SYNPO2: variants seen among roughly 807,000 people sequenced by gnomAD.
The protein encoded by SYNPO2 is synaptopodin 2.
In SYNPO2, 56 loss-of-function variants were observed where a neutral mutation model predicts 85.0. That is an observed-to-expected ratio of 0.66 (90% CI 0.53 to 0.82). The LOEUF is 0.82. Ranked by LOEUF, SYNPO2 falls within the 40% of genes least tolerant of loss-of-function variation. The pLI is 0.00. For missense variants in SYNPO2, 1,575 were observed against 1,534.2 expected (o/e 1.03, Z -0.44); for synonymous variants, 602 against 591.1 (o/e 1.02, Z -0.27).
At chr4:118,990,342 AAGG>A (rs1736369744) in intron 1 of SYNPO2, among the ~76,000 whole-genome samples, 1 of 152,204 alleles carries the variant, frequency 6.6e-6, no homozygotes, top group Non-Finnish European at 1.5e-5. Context: ...TGCCTGAGAA[AAGG>A]AGGAGAGACT....
chr4:118,871,571 A>T (rs1447597349), intron 1 of SYNPO2, among the ~76,000 whole-genome samples: 8 of 142,456 alleles, frequency 5.6e-5, no homozygotes, highest in East Asian at 4.1e-4. Context: ...ATAAATAACA[A>T]TTTTTTTTTT....
In SYNPO2 at chr4:119,057,880, A is replaced by G. The variant is rs573086225; in HGVS notation, c.3732A>G (p.Pro1244=). The G allele has an allele frequency of 2.5e-6, 4 of 1,614,144 alleles. No homozygotes were observed. Among genetic ancestry groups the G allele is most frequent in the South Asian group, 2.2e-5 (2 of 91,076 alleles). Residue 1244 remains proline, a synonymous_variant, in exon 5 of 5, where the codon CCA becomes CCG. Transcript: ENST00000307142. The part of the protein sequence containing the change: ...SMETRSDYCL[P]VADYNYNPHP... ...AAACCAGGTCTGATTACTGTCTTCC[A>G]GTAGCTGATTACAACTACAACCCAC...
At chr4:118,971,822 A>G (rs1300320620) in intron 1 of SYNPO2, among the ~76,000 whole-genome samples, 3 of 151,752 alleles carry the variant, frequency 2.0e-5, no homozygotes. Context: ...TACTCTTCCC[A>G]TGCCGAGAAG....
At chr4:118,942,504 A>G (rs1734349608) in intron 1 of SYNPO2, among the ~76,000 whole-genome samples, 1 of 152,258 alleles carries the variant, frequency 6.6e-6, no homozygotes, top group South Asian at 2.1e-4. Context: ...ATTTTGCTCT[A>G]TCAATTAATT....
chr4:118,934,176 T>C (rs1734024634), intron 1 of SYNPO2, among the ~76,000 whole-genome samples: 1 of 152,164 alleles, frequency 6.6e-6, no homozygotes, highest in South Asian at 2.1e-4. Context: ...ATAATTTATT[T>C]GCATGTGTGA....
At chr4:118,930,940 G>T (rs1733912648) in intron 1 of SYNPO2, among the ~76,000 whole-genome samples, 1 of 150,528 alleles carries the variant, frequency 6.6e-6, no homozygotes. Flanking sequence ...AAAAAAAATG[G>T]TAAGTATCTT....
Position 119,030,758 on chromosome 4 carries a change from C to T in SYNPO2, c.1983C>T (p.Tyr661=), listed in dbSNP as rs779088435. Residue 661 remains tyrosine, a synonymous_variant, in exon 4 of 5, where the codon TAC becomes TAT. Coordinates refer to ENST00000307142, the MANE Select transcript of SYNPO2 (RefSeq NM_133477.3). The part of the protein sequence containing the change: ...QPAPWSQPAF[Y]DSSERIASRD... The stretch of plus-strand genomic sequence containing the variant: ...CCCCGTGGTCCCAGCCAGCCTTTTA[C>T]GATTCGTCTGAGCGAATAGCTTCCC... 6.8e-6 allele frequency: 11 copies of T among 1,614,042 alleles called. No homozygotes were observed. The highest frequency in any genetic ancestry group is 5.3e-5 in the African/African-American group (4 of 74,900).
At chr4:118,897,655 G>A (rs1412796626) in intron 1 of SYNPO2, among the ~76,000 whole-genome samples, 1 of 152,148 alleles carries the variant, frequency 6.6e-6, no homozygotes, top group Non-Finnish European at 1.5e-5. Flanking sequence ...TATAATGACA[G>A]AACTCTGAGG....
intron 1 of SYNPO2, among the ~76,000 whole-genome samples, chr4:118,877,737 A>G (rs1731955241): frequency 6.6e-6 from 1 of 152,222 alleles, no homozygotes; most frequent in East Asian, 1.9e-4. Context: ...AGAAAAGGGA[A>G]CACTTACACA....
At chr4:119,035,301 G>C (rs531176420) in intron 4 of SYNPO2, 1 of 985,428 alleles carries the variant, frequency 1.0e-6, no homozygotes. Flanking sequence ...AGGAAGGAAG[G>C]TTCCATGGAC....
chr4:119,027,857 T>G (rs1005896875), intron 3 of SYNPO2, among the ~76,000 whole-genome samples: 1 of 150,474 alleles, frequency 6.6e-6, no homozygotes, highest in African/African-American at 2.5e-5. Flanking sequence ...AAATAAAAGC[T>G]CTACCATTGA....
chr4:118,997,574 A>T (rs1220490508), intron 1 of SYNPO2, among the ~76,000 whole-genome samples: 4 of 152,208 alleles, frequency 2.6e-5, no homozygotes, highest in African/African-American at 9.7e-5. Flanking sequence ...ATTTATTAGT[A>T]AAGCTAGATT....
intron 1 of SYNPO2, among the ~76,000 whole-genome samples, chr4:118,927,723 GATA>G (rs1733767084): frequency 1.0e-5 from 1 of 99,896 alleles, no homozygotes; most frequent in Non-Finnish European, 2.2e-5. Flanking sequence ...TAGATAGATA[GATA>G]GATAGATAGA....
At chr4:119,003,476 ACT>A (rs1173902487) in intron 1 of SYNPO2, among the ~76,000 whole-genome samples, 1 of 152,004 alleles carries the variant, frequency 6.6e-6, no homozygotes, top group African/African-American at 2.4e-5. Context: ...GTTTCAGGAG[ACT>A]CTAGAAAATT....
intron 1 of SYNPO2, among the ~76,000 whole-genome samples, chr4:118,912,507 A>G (rs1176007854): frequency 2.3e-5 from 1 of 43,516 alleles, no homozygotes; most frequent in Non-Finnish European, 5.8e-5. Flanking sequence ...TTAAAAATTT[A>G]GGTAAATCTT....
Position 118,964,049 on chromosome 4 carries a change from C to G in SYNPO2, c.106-59381C>G, listed in dbSNP as rs78420242. On this transcript the variant is annotated intron_variant, in intron 1 of 4. Transcript: ENST00000307142. ...TGGGTTTTGCATGAGGGGGACCACC[C>G]GTCAAGATTATCCACCAGGCTTTTC... Among the ~76,000 whole-genome samples the G allele has an allele frequency of 6.5e-3, 994 of 152,240 alleles. 14 individuals are homozygous for G. Among genetic ancestry groups the G allele is most frequent in the African/African-American group, 0.022 (896 of 41,528 alleles).
At chr4:119,024,726 A>C (rs1005430223) in intron 2 of SYNPO2, among the ~76,000 whole-genome samples, 2 of 152,192 alleles carry the variant, frequency 1.3e-5, no homozygotes, top group Non-Finnish European at 2.9e-5. Flanking sequence ...GGTAGGATTC[A>C]AAGTGGAATC....
rs760963874 is a variant in SYNPO2 at position 119,059,993 on chromosome 4, T to A, written c.*2059T>A. The A allele has an allele frequency of 1.3e-5, 2 of 152,208 alleles. No homozygotes were observed. The highest frequency in any genetic ancestry group is 2.9e-5 in the Non-Finnish European group (2 of 68,036). The allele number at this position is 152,208 out of a possible 1,614,324, so 9.4% of individuals were successfully genotyped here. On this transcript the variant is annotated 3_prime_UTR_variant, in exon 5 of 5. Coordinates refer to ENST00000307142, the MANE Select transcript of SYNPO2 (RefSeq NM_133477.3). ...TCCCCCACATAAAAGCCTTACTTTG[T>A]TCAAAATTTATTATAGTGGTTTAAT...
rs142703462 is a variant in SYNPO2 at position 118,967,702 on chromosome 4, T to C, written c.106-55728T>C. 1.1e-4 allele frequency among the ~76,000 whole-genome samples: 17 copies of C among 152,352 alleles called. No individual in the cohort carries two copies. In the East Asian group the frequency reaches 3.3e-3, roughly 29 times the overall value. On this transcript the variant is annotated intron_variant, in intron 1 of 4. Coordinates refer to ENST00000307142, the MANE Select transcript of SYNPO2 (RefSeq NM_133477.3). The stretch of plus-strand genomic sequence containing the variant: ...GGTTCCATGTTTTCCCCTATGCTTT[T>C]GGCATGTCTTGGATGATTCCCTTTG...
Sources: allele counts gnomAD v4.1 joint callset (sites outside exome capture counted in the v4.1 genomes callset), GRCh38; gene constraint gnomAD v4.1.1; transcripts MANE v1.5; gene names NCBI Gene and HGNC (gene_info 2026-07-23, HGNC 2026-07-21).